The following S100A8 variants were observed in gnomAD, a reference collection of about 807,000 sequenced individuals.
S100A8 encodes the protein protein S100-A8.
In S100A8, 1 loss-of-function variant was observed where a neutral mutation model predicts 4.2. That is an observed-to-expected ratio of 0.24 (90% CI 0.08 to 1.12). The LOEUF is 1.12. Ranked by LOEUF, S100A8 falls within the 50% of genes most tolerant of loss-of-function variation. The pLI is 0.53. For missense variants in S100A8, 96 were observed against 111.8 expected (o/e 0.86, Z 0.64); for synonymous variants, 41 against 44.7 (o/e 0.92, Z 0.33).
chr1:153,417,482 G>A, the S100A8 span, among the ~76,000 whole-genome samples: 15 of 152,240 alleles, frequency 9.9e-5, no homozygotes, highest in African/African-American at 2.6e-4. Flanking sequence ...CCCTGTCCTC[G>A]GGAGAGGGCT....
chr1:153,391,386 G>A (rs1418961341), upstream of S100A8, among the ~76,000 whole-genome samples: 4 of 152,214 alleles, frequency 2.6e-5, no homozygotes, highest in South Asian at 4.2e-4. Context: ...CCACTATTGC[G>A]ATTGCTAATC....
At chr1:153,415,055 C>T in the S100A8 span, among the ~76,000 whole-genome samples, 15 of 152,258 alleles carry the variant, frequency 9.9e-5, no homozygotes, top group East Asian at 2.7e-3. Context: ...AGTAATTTCA[C>T]TTAAGATAAT....
the S100A8 span, chr1:153,416,605 G>C: frequency 8.9e-6 from 4 of 450,050 alleles, no homozygotes; most frequent in African/African-American, 8.1e-5. Flanking sequence ...GAAGTGCCCA[G>C]TGCCCAGCCT....
At chr1:153,395,622 A>C (rs1230229287), upstream of S100A8, among the ~76,000 whole-genome samples, 1 of 152,070 alleles carries the variant, frequency 6.6e-6, no homozygotes, top group Non-Finnish European at 1.5e-5. Context: ...TTCCTAAAGC[A>C]CAGAGCTGGT....
upstream of S100A8, among the ~76,000 whole-genome samples, chr1:153,394,003 G>T (rs1408392261): frequency 6.6e-6 from 1 of 152,202 alleles, no homozygotes; most frequent in African/African-American, 2.4e-5. Context: ...AGCCTTGGGT[G>T]CTTTGGGGAC....
the S100A8 span, among the ~76,000 whole-genome samples, chr1:153,400,791 A>T: frequency 1.2e-4 from 19 of 152,374 alleles, no homozygotes; most frequent in East Asian, 3.3e-3. Flanking sequence ...AAAACAATTA[A>T]TTAAACAGAT....
chr1:153,409,262 A>C, the S100A8 span, among the ~76,000 whole-genome samples: 13 of 152,352 alleles, frequency 8.5e-5, no homozygotes, highest in East Asian at 2.3e-3. Context: ...ACATAGGCTC[A>C]AAATAAAGGG....
the S100A8 span, chr1:153,418,328 AG>A: frequency 6.1e-6 from 9 of 1,486,442 alleles, no homozygotes; most frequent in South Asian, 2.6e-5. Flanking sequence ...CTGATTAAAA[AG>A]TTTCCCATTT....
chr1:153,392,929 T>A (rs1410337885), upstream of S100A8, among the ~76,000 whole-genome samples: 1 of 152,232 alleles, frequency 6.6e-6, no homozygotes, highest in Non-Finnish European at 1.5e-5. Context: ...AAAATACTAG[T>A]TCACACTCAC....
At chr1:153,422,117 T>G in the S100A8 span, 3 of 152,380 alleles carry the variant, frequency 2.0e-5, no homozygotes, top group East Asian at 5.8e-4. Context: ...GCTGATTTGC[T>G]ATGGCAGGTC....
At chr1:153,405,602 A>T in the S100A8 span, among the ~76,000 whole-genome samples, 4 of 152,120 alleles carry the variant, frequency 2.6e-5, no homozygotes, top group African/African-American at 9.7e-5. Flanking sequence ...TCACAGGAAC[A>T]TCTTATCAAT....
At chr1:153,402,271 G>A in the S100A8 span, among the ~76,000 whole-genome samples, 3 of 152,136 alleles carry the variant, frequency 2.0e-5, no homozygotes, top group Admixed American at 6.5e-5. Flanking sequence ...AAAAGCCCAA[G>A]GAATGACAAT....
upstream of S100A8, among the ~76,000 whole-genome samples, chr1:153,394,285 C>A (rs1662167655): frequency 6.6e-6 from 1 of 152,182 alleles, no homozygotes; most frequent in Admixed American, 6.5e-5. Context: ...AGGGAGGGCT[C>A]AGGCTGGGTG....
At chr1:153,394,106 C>T (rs1285902494), upstream of S100A8, among the ~76,000 whole-genome samples, 1 of 152,174 alleles carries the variant, frequency 6.6e-6, no homozygotes, top group Non-Finnish European at 1.5e-5. Flanking sequence ...AGCAGCCTAG[C>T]GGACATGGGG....
chr1:153,422,473 G>T, the S100A8 span: 3 of 967,068 alleles, frequency 3.1e-6, no homozygotes, highest in Non-Finnish European at 1.2e-6. Context: ...CATTATATTG[G>T]TACTAAAGAG....
chr1:153,390,294 C>T (rs1353326138), intron 2 of S100A8, 51 bp from the exon 3 acceptor site: 11 of 1,601,732 alleles, frequency 6.9e-6, no homozygotes, highest in African/African-American at 1.3e-5. Flanking sequence ...TCAGAGAGAG[C>T]CGAGGCATAG....
At chr1:153,408,523 G>C in the S100A8 span, among the ~76,000 whole-genome samples, 1 of 152,118 alleles carries the variant, frequency 6.6e-6, no homozygotes, top group Non-Finnish European at 1.5e-5. Flanking sequence ...AAAGTGAGGA[G>C]GAGAATGGAA....
At chr1:153,417,655 G>A in the S100A8 span, among the ~76,000 whole-genome samples, 1 of 152,338 alleles carries the variant, frequency 6.6e-6, no homozygotes, top group South Asian at 2.1e-4. Context: ...CCATTGTCCT[G>A]CCCCCGTGAC....
At chr1:153,399,586 G>A in the S100A8 span, among the ~76,000 whole-genome samples, 1 of 152,114 alleles carries the variant, frequency 6.6e-6, no homozygotes, top group Admixed American at 6.5e-5. Context: ...TACCTACAGT[G>A]TGCCAGGCCT....
Sources: allele counts gnomAD v4.1 joint callset (sites outside exome capture counted in the v4.1 genomes callset), GRCh38; gene constraint gnomAD v4.1.1; transcripts MANE v1.5; gene names NCBI Gene and HGNC (gene_info 2026-07-23, HGNC 2026-07-21).